The following SEC14L1 variants were observed in gnomAD, a reference collection of about 807,000 sequenced individuals.
SEC14L1 encodes the protein SEC14 like lipid binding 1.
A neutral mutation model predicts 85.3 loss-of-function variants in SEC14L1; 48 were observed. The ratio of observed to expected loss-of-function variants is 0.56; its 90% CI spans 0.45 to 0.72. The LOEUF (loss-of-function observed/expected upper bound fraction) is 0.72, where lower values mean the gene tolerates loss of function less well. Among genes scored for constraint, SEC14L1 ranks in the 30% least tolerant of loss-of-function variants. The pLI is 0.00. For synonymous variants in SEC14L1, 391 were observed against 355.5 expected, an observed-to-expected ratio of 1.10 and a Z score of -1.12; for missense variants, 682 against 921.4, an observed-to-expected ratio of 0.74 and a Z score of 3.36.
At chr17:77,211,655 G>A (rs1976757235) in intron 14 of SEC14L1, 3 of 422,802 alleles carry the variant, frequency 7.1e-6, no homozygotes, top group African/African-American at 4.0e-5. Context: ...AGTGTTTGGT[G>A]TTTCTAAGAC....
At chr17:77,100,878 T>C (rs542456157) in intron 3 of SEC14L1, among the ~76,000 whole-genome samples, 8 of 152,252 alleles carry the variant, frequency 5.3e-5, no homozygotes, top group African/African-American at 1.9e-4. Flanking sequence ...TTCATACAAT[T>C]GATTAAAGTT....
intron 3 of SEC14L1, among the ~76,000 whole-genome samples, chr17:77,147,593 C>G (rs1047060586): frequency 1.3e-5 from 2 of 152,276 alleles, no homozygotes; most frequent in African/African-American, 4.8e-5. Context: ...GTGAAACTTA[C>G]ACAGGTAGTG....
At chr17:77,146,586 TTTTC>T (rs1048380556) in intron 3 of SEC14L1, among the ~76,000 whole-genome samples, 8 of 152,246 alleles carry the variant, frequency 5.3e-5, no homozygotes, top group South Asian at 2.1e-4. Flanking sequence ...TTTCCCTTCT[TTTTC>T]TTTCTTTCTT....
At chr17:77,100,642 G>C (rs992385577) in intron 3 of SEC14L1, among the ~76,000 whole-genome samples, 2 of 151,560 alleles carry the variant, frequency 1.3e-5, no homozygotes, top group African/African-American at 4.8e-5. Flanking sequence ...TCACCATGTT[G>C]GTCAGGCTGG....
At chr17:77,211,887 C>T (rs1019024669) in intron 14 of SEC14L1, 63 bp from the exon 15 acceptor site, 136 of 1,585,904 alleles carry the variant, frequency 8.6e-5, no homozygotes, top group Non-Finnish European at 1.1e-4. Flanking sequence ...GAGCACGATG[C>T]GCTCGCAGCA....
chr17:77,212,051 A>G lies in SEC14L1; in HGVS notation c.1713A>G (p.Pro571=). The change falls in exon 15 of 17, where the codon CCA becomes CCG. Residue 571 remains proline (P), a synonymous_variant. Transcript: ENST00000436233. ...VFNIYHSKRS[P]QPPKKDSLGA... ...ACATCTATCACTCCAAGAGGTCGCC[A>G]CAACCACCCAAAAAGGACTCCCTGG... 1 of 1,614,186 alleles carries G rather than the reference A, an allele frequency of 6.2e-7. No homozygotes were observed. The highest frequency in any genetic ancestry group is 8.5e-7 in the Non-Finnish European group (1 of 1,180,038).
intron 3 of SEC14L1, among the ~76,000 whole-genome samples, chr17:77,161,558 GA>G (rs930769051): frequency 1.3e-5 from 2 of 152,042 alleles, no homozygotes; most frequent in Non-Finnish European, 2.9e-5. Context: ...CTGCAAGGGG[GA>G]AAAAGTAACT....
At chr17:77,174,915 TC>T (rs1974683123) in intron 3 of SEC14L1, among the ~76,000 whole-genome samples, 1 of 152,204 alleles carries the variant, frequency 6.6e-6, no homozygotes, top group African/African-American at 2.4e-5. Context: ...TCGGTGTCCT[TC>T]CCCTGTTGGC....
chr17:77,146,532 A>G (rs1047852936), intron 3 of SEC14L1, among the ~76,000 whole-genome samples: 2 of 152,216 alleles, frequency 1.3e-5, no homozygotes, highest in Non-Finnish European at 2.9e-5. Flanking sequence ...CCAAGTTTTT[A>G]CAATTAAACC....
chr17:77,106,756 A>C (rs1971924181), intron 3 of SEC14L1, among the ~76,000 whole-genome samples: 1 of 151,774 alleles, frequency 6.6e-6, no homozygotes, highest in Non-Finnish European at 1.5e-5. Context: ...AAAATCACTT[A>C]AGCCCAGGAA....
chr17:77,214,157 A>G lies in SEC14L1; in HGVS notation c.*134A>G. On this transcript the variant is annotated 3_prime_UTR_variant, in exon 17 of 17. Coordinates refer to ENST00000436233, the MANE Select transcript of SEC14L1 (RefSeq NM_001143998.2). ...AGATAGCAAATAGCTCTCAGATGGT[A>G]AACGTAGTCGTTTGATCCCAAAACT... 4 of 1,440,372 alleles carry G rather than the reference A, an allele frequency of 2.8e-6. No individual in the cohort carries two copies. The highest frequency in any genetic ancestry group is 3.6e-6 in the Non-Finnish European group (4 of 1,099,506). The allele number at this position is 1,440,372 out of a possible 1,614,324, so 89.2% of individuals were successfully genotyped here.
At chr17:77,173,905 CT>C (rs531473521) in intron 3 of SEC14L1, among the ~76,000 whole-genome samples, 346 of 141,638 alleles carry the variant, frequency 2.4e-3, no homozygotes, top group Non-Finnish European at 2.2e-3. Flanking sequence ...TTCTTTTTTT[CT>C]TTTTTTTTTT....
At chr17:77,105,298 G>C (rs895503981) in intron 3 of SEC14L1, among the ~76,000 whole-genome samples, 2 of 151,498 alleles carry the variant, frequency 1.3e-5, no homozygotes, top group African/African-American at 4.9e-5. Context: ...CCTATACCCA[G>C]ACAGGGCTCA....
intron 3 of SEC14L1, among the ~76,000 whole-genome samples, chr17:77,135,474 TTCTTTCTTTCTCTCTTTGTCTTTCTC>T (rs1972765576): frequency 6.6e-6 from 1 of 152,174 alleles, no homozygotes; most frequent in Admixed American, 6.5e-5. Context: ...TATTCTGTAA[TTCTTTCTTTCTCTCTTTGTCTTTCTC>T]TCTTTCTTTC....
At chr17:77,200,160 C>T (rs1598389082) in intron 8 of SEC14L1, among the ~76,000 whole-genome samples, 1 of 152,116 alleles carries the variant, frequency 6.6e-6, no homozygotes, top group East Asian at 1.9e-4. Context: ...AATAAGAGTC[C>T]CTGTCTCCAA....
At chr17:77,143,827 C>G (rs1393945897) in intron 3 of SEC14L1, 168 bp downstream of exon 3, 2 of 455,696 alleles carry the variant, frequency 4.4e-6, no homozygotes, top group African/African-American at 4.1e-5. Flanking sequence ...TTTTAAAATA[C>G]AAGCCTCTGA....
In SEC14L1 at chr17:77,162,104, C is replaced by T. The variant is rs537768954; in HGVS notation, c.63+18445C>T. On this transcript the variant is annotated intron_variant, in intron 3 of 16. Transcript: ENST00000436233. ...ATGGGTGGCCCAACGGGCAAGGGGG[C>T]GACTGCCTTTCCCAGGACGAGGGGC... is the stretch of plus-strand genomic sequence containing the variant. 2.3e-3 allele frequency among the ~76,000 whole-genome samples: 348 copies of T among 151,904 alleles called. 2 individuals are homozygous for T. The highest frequency in any genetic ancestry group is 3.4e-3 in the Middle Eastern group (1 of 294).
chr17:77,119,943 G>C (rs1972256982), intron 3 of SEC14L1, among the ~76,000 whole-genome samples: 1 of 152,190 alleles, frequency 6.6e-6, no homozygotes, highest in African/African-American at 2.4e-5. Flanking sequence ...ACATTCCCCA[G>C]GCTGCCCTGA....
chr17:77,152,601 G>A (rs983046495), intron 3 of SEC14L1: 1 of 151,958 alleles, frequency 6.6e-6, no homozygotes, highest in African/African-American at 2.4e-5. Flanking sequence ...TTGTGGTATT[G>A]GGAAGTTTTC....
Sources: gnomAD v4.1 joint callset for allele counts (sites outside exome capture counted in the v4.1 genomes callset) on GRCh38, gnomAD v4.1.1 for gene constraint, MANE v1.5 for transcripts, NCBI Gene and HGNC (gene_info 2026-07-23, HGNC 2026-07-21) for gene names.